TDG: variants seen among roughly 807,000 people sequenced by gnomAD.
TDG encodes G/T mismatch-specific thymine DNA glycosylase.
A neutral mutation model predicts 46.1 loss-of-function variants in TDG; 23 were observed. The ratio of observed to expected loss-of-function variants is 0.50; its 90% CI spans 0.36 to 0.71. TDG has a LOEUF of 0.71. Ranked by LOEUF, TDG falls within the 30% of genes least tolerant of loss-of-function variation. The pLI is 0.00. For missense variants in TDG, 304 were observed against 486.7 expected (o/e 0.62, Z 3.53); for synonymous variants, 115 against 161.3 (o/e 0.71, Z 2.18).
At position 103,980,946 on chromosome 12, in the gene TDG, A is replaced by T. The variant is rs1871792517; in HGVS notation, c.462A>T (p.Gly154=). Reference sequence around the variant, plus strand: ...CTTACAAAGGGCATCATTACCCTGGACCTGGAAACCATTTTTGTAAGTGGT... The same window carrying T: ...CTTACAAAGGGCATCATTACCCTGGTCCTGGAAACCATTTTTGTAAGTGGT... The part of the protein sequence containing the change: ...MAAYKGHHYP[G]PGNHFWKCLF... Residue 154 remains glycine (G), a synonymous_variant, in exon 4 of 10, where the codon GGA becomes GGT. Transcript: ENST00000392872. 1 of 1,613,174 alleles carries T rather than the reference A, an allele frequency of 6.2e-7. No homozygotes were observed. The highest frequency in any genetic ancestry group is 8.5e-7 in the Non-Finnish European group (1 of 1,179,868).
intron 2 of TDG, among the ~76,000 whole-genome samples, chr12:103,977,287 G>A (rs963304551): frequency 1.3e-5 from 2 of 152,158 alleles, no homozygotes; most frequent in African/African-American, 4.8e-5. Flanking sequence ...GTAAATACAC[G>A]TTACAGCTCA....
rs1459331554 is a variant in TDG, at chr12:103,983,812, A to G, written c.792+423A>G. On this transcript the variant is annotated intron_variant, in intron 7 of 9. Transcript: ENST00000392872. ...TAGCTCAACTTCATTTTAGAGCCAT[A>G]TAAATAATACAACCCAGACAAGCCT... 2.6e-5 allele frequency among the ~76,000 whole-genome samples: 4 copies of G among 152,352 alleles called. No individual in the cohort carries two copies. The East Asian group carries it at 7.7e-4, about 29-fold the overall frequency.
intron 2 of TDG, among the ~76,000 whole-genome samples, chr12:103,978,842 CA>C (rs1395548512): frequency 6.6e-6 from 1 of 152,142 alleles, no homozygotes; most frequent in Admixed American, 6.5e-5. Flanking sequence ...GGGTAGAGAT[CA>C]GGGGTGCTAT....
chr12:103,984,658 T>C (rs1872016500), intron 7 of TDG, 91 bp from the exon 8 acceptor site: 2 of 1,090,256 alleles, frequency 1.8e-6, no homozygotes, highest in African/African-American at 1.6e-5. Context: ...TATCAAGTTA[T>C]TAACCCAAAT....
At chr12:103,983,749 T>C (rs528512213) in intron 7 of TDG, among the ~76,000 whole-genome samples, 6 of 152,344 alleles carry the variant, frequency 3.9e-5, no homozygotes, top group African/African-American at 1.2e-4. Context: ...ACAGACATGA[T>C]CCTGATTAGG....
chr12:103,976,815 A>G, intron 1 of TDG, 103 bp from the exon 2 acceptor site: 1 of 1,386,938 alleles, frequency 7.2e-7, no homozygotes, highest in Non-Finnish European at 9.9e-7. Flanking sequence ...CAGTCTGGTT[A>G]CAAAATACTT....
intron 1 of TDG, 109 bp downstream of exon 1, chr12:103,966,169 A>G: frequency 1.5e-6 from 2 of 1,314,722 alleles, no homozygotes; most frequent in Non-Finnish European, 2.0e-6. Flanking sequence ...CCGGAATACA[A>G]AGGCCGGGGC....
intron 1 of TDG, among the ~76,000 whole-genome samples, chr12:103,972,305 G>T (rs1033975744): frequency 1.3e-5 from 2 of 152,148 alleles, no homozygotes; most frequent in African/African-American, 4.8e-5. Context: ...TTTTAGTAGA[G>T]ATGGGGTTTC....
rs1181734867 is a variant in TDG at position 103,977,122 on chromosome 12, G to T, written c.166+62G>T. 3.2e-6 allele frequency: 5 copies of T among 1,556,980 alleles called. No homozygotes were observed. The African/African-American group carries it at 4.2e-5, about 13-fold the overall frequency. ...GGATCAGCCAGCTTATTTGAGAAAG[G>T]GTTTCATGGTGAATTTTAGCTCTAT... On this transcript the variant is annotated intron_variant, in intron 2 of 9. Coordinates refer to ENST00000392872, the MANE Select transcript of TDG (RefSeq NM_003211.6).
intron 1 of TDG, among the ~76,000 whole-genome samples, chr12:103,976,073 C>G (rs964737846): frequency 6.6e-6 from 1 of 151,622 alleles, no homozygotes; most frequent in Non-Finnish European, 1.5e-5. Flanking sequence ...AAAAAAAAGC[C>G]CTAGCCCCAA....
intron 1 of TDG, among the ~76,000 whole-genome samples, chr12:103,975,527 A>G (rs1871492119): frequency 6.6e-6 from 1 of 152,212 alleles, no homozygotes; most frequent in Non-Finnish European, 1.5e-5. Flanking sequence ...GGAATCACAC[A>G]GTGAGGCAGC....
chr12:103,981,055 AAGAG>A, intron 4 of TDG, 93 bp downstream of exon 4: 1 of 1,091,922 alleles, frequency 9.2e-7, no homozygotes, highest in Non-Finnish European at 1.3e-6. Flanking sequence ...TTTAAAAAGA[AAGAG>A]ACTGTAAATA....
At chr12:103,966,144 T>C (rs1329185272) in intron 1 of TDG, 84 bp downstream of exon 1, 5 of 1,398,150 alleles carry the variant, frequency 3.6e-6, no homozygotes, top group African/African-American at 3.0e-5. Flanking sequence ...CACGCAGGGG[T>C]CTTTTAAATC....
At position 103,966,071 on chromosome 12, in the gene TDG, G is replaced by C; in HGVS notation, c.23+11G>C. The C allele has an allele frequency of 2.6e-6, 4 of 1,561,784 alleles. No homozygotes were observed. The African/African-American group carries it at 4.1e-5, about 16-fold the overall frequency. ...GGAGAACGCGGGCAGGTAATACCGG[G>C]GCCAGCGCCGCCCCTCCCTTGCGCC... is the stretch of plus-strand genomic sequence containing the variant. On this transcript the variant is annotated intron_variant, in intron 1 of 9. Coordinates refer to ENST00000392872, the MANE Select transcript of TDG (RefSeq NM_003211.6).
chr12:103,988,376 A>T lies in TDG; in HGVS notation c.*1286A>T, dbSNP rs1486635475. On this transcript the variant is annotated 3_prime_UTR_variant, in exon 10 of 10. Transcript: ENST00000392872. Reference sequence around the variant, plus strand: ...TTTATAATAAGAGAAACAAATTCTTATTGTGAATCTTAACATGCTTTTTAG... The same window carrying T: ...TTTATAATAAGAGAAACAAATTCTTTTTGTGAATCTTAACATGCTTTTTAG... 5 of 152,342 alleles carry T rather than the reference A, an allele frequency of 3.3e-5. No individual in the cohort carries two copies. The highest frequency in any genetic ancestry group is 7.4e-5 in the Non-Finnish European group (5 of 67,862). The allele number at this position is 152,342 out of a possible 1,614,324, so 9.4% of individuals were successfully genotyped here.
At chr12:103,979,256 C>T (rs932548050) in intron 2 of TDG, among the ~76,000 whole-genome samples, 5 of 151,920 alleles carry the variant, frequency 3.3e-5, no homozygotes, top group South Asian at 2.1e-4. Flanking sequence ...GTGCACGACA[C>T]CATGCCTGGC....
chr12:103,970,783 A>G (rs1200352900), intron 1 of TDG, among the ~76,000 whole-genome samples: 1 of 152,044 alleles, frequency 6.6e-6, no homozygotes, highest in African/African-American at 2.4e-5. Flanking sequence ...AAAAAATAGC[A>G]AATCTGAATT....
At chr12:103,986,873 AGACCCAGTCTCTACTTT>A (rs1052414633) in intron 9 of TDG, 58 bp from the exon 10 acceptor site, 38 of 1,531,352 alleles carry the variant, frequency 2.5e-5, no homozygotes, top group Non-Finnish European at 2.7e-5. Context: ...CGATAGAGTA[AGACCCAGTCTCTACTTT>A]AAAAAAAGCA....
In TDG at chr12:103,983,187, T is replaced by C. The variant is rs761066293; in HGVS notation, c.666T>C (p.Tyr222=). Residue 222 remains tyrosine (Y), a synonymous_variant, in exon 6 of 10, where the codon TAT becomes TAC. Coordinates refer to ENST00000392872, the MANE Select transcript of TDG (RefSeq NM_003211.6). ...TTCTAGTACAGAAATTACAGAAATA[T>C]CAGCCACGAATAGCAGTGTTTAATG... ...GRILVQKLQK[Y]QPRIAVFNGK... 11 of 1,607,492 alleles carry C rather than the reference T, an allele frequency of 6.8e-6. No homozygotes were observed. The South Asian group carries it at 1.0e-4, about 15-fold the overall frequency.
Sources: gnomAD v4.1 joint callset for allele counts (sites outside exome capture counted in the v4.1 genomes callset) on GRCh38, gnomAD v4.1.1 for gene constraint, MANE v1.5 for transcripts, NCBI Gene and HGNC (gene_info 2026-07-23, HGNC 2026-07-21) for gene names.